Variants in KCNN2 observed in about 807,000 individuals in gnomAD.
The protein encoded by KCNN2 is small conductance calcium-activated potassium channel protein 2.
Under a neutral mutation model 55.5 loss-of-function variants are expected in KCNN2, and 24 were observed. The observed-to-expected ratio is 0.43, with a 90% CI of 0.31 to 0.61. The LOEUF is 0.61. KCNN2 is among the 20% of genes least tolerant of loss of function. KCNN2 has a pLI of 0.08. For missense variants in KCNN2, 754 were observed against 853.6 expected, an observed-to-expected ratio of 0.88 and a Z score of 1.45; for synonymous variants, 431 against 336.1, an observed-to-expected ratio of 1.28 and a Z score of -3.09.
At chr5:114,337,809 C>G (rs1368511945) in intron 2 of KCNN2, among the ~76,000 whole-genome samples, 1 of 152,132 alleles carries the variant, frequency 6.6e-6, no homozygotes, top group African/African-American at 2.4e-5. Context: ...TAACTTCGGT[C>G]CAACTAGTTT....
chr5:114,486,341 T>G (rs1272592881), intron 5 of KCNN2, among the ~76,000 whole-genome samples: 1 of 152,216 alleles, frequency 6.6e-6, no homozygotes, highest in African/African-American at 2.4e-5. Flanking sequence ...CCAGGATTTG[T>G]TGAAGACTTT....
intron 3 of KCNN2, among the ~76,000 whole-genome samples, chr5:114,425,802 G>A (rs1319363820): frequency 6.6e-6 from 1 of 152,132 alleles, no homozygotes; most frequent in Non-Finnish European, 1.5e-5. Flanking sequence ...CATTTCTCCT[G>A]TAATTGCCTT....
chr5:114,440,910 ATTC>A (rs1368793362), intron 3 of KCNN2, among the ~76,000 whole-genome samples: 1 of 94,968 alleles, frequency 1.1e-5, no homozygotes, highest in Non-Finnish European at 2.5e-5. Flanking sequence ...AATAAATGAT[ATTC>A]TTTTTTTTAT....
chr5:114,348,787 C>T (rs1415624292), intron 2 of KCNN2, among the ~76,000 whole-genome samples: 2 of 152,080 alleles, frequency 1.3e-5, no homozygotes, highest in Non-Finnish European at 2.9e-5. Flanking sequence ...CTTGTTCTTC[C>T]TAATCTTATA....
At chr5:114,083,989 T>C (rs1258575794) in intron 1 of KCNN2, among the ~76,000 whole-genome samples, 1 of 152,084 alleles carries the variant, frequency 6.6e-6, no homozygotes, top group Non-Finnish European at 1.5e-5. Context: ...AATTCCTCCA[T>C]GTCTTTTCAT....
chr5:114,201,873 C>G (rs543825347), intron 1 of KCNN2, among the ~76,000 whole-genome samples: 1 of 151,740 alleles, frequency 6.6e-6, no homozygotes, highest in Admixed American at 6.6e-5. Context: ...GCCTTGTCAG[C>G]CCAATCTCAG....
intron 1 of KCNN2, among the ~76,000 whole-genome samples, chr5:114,134,774 C>G (rs1001041361): frequency 6.6e-6 from 1 of 152,098 alleles, no homozygotes; most frequent in African/African-American, 2.4e-5. Flanking sequence ...CGCACCCAGC[C>G]CAGCCGTGAT....
chr5:114,344,030 C>A (rs1757063670), intron 2 of KCNN2, among the ~76,000 whole-genome samples: 1 of 152,174 alleles, frequency 6.6e-6, no homozygotes, highest in Non-Finnish European at 1.5e-5. Flanking sequence ...GGAACTGAAA[C>A]TAACATTGTC....
At chr5:114,334,966 C>T (rs1756895104) in intron 2 of KCNN2, among the ~76,000 whole-genome samples, 1 of 152,074 alleles carries the variant, frequency 6.6e-6, no homozygotes, top group Non-Finnish European at 1.5e-5. Context: ...CTCTGTCGCC[C>T]AGGCTGGAGT....
chr5:114,391,096 T>G (rs972644701), intron 2 of KCNN2, among the ~76,000 whole-genome samples: 3 of 152,170 alleles, frequency 2.0e-5, no homozygotes, highest in African/African-American at 7.2e-5. Context: ...CTCATTATTT[T>G]AGGAAATGAC....
At chr5:114,307,743 C>T (rs1221729815) in intron 2 of KCNN2, among the ~76,000 whole-genome samples, 3 of 152,100 alleles carry the variant, frequency 2.0e-5, no homozygotes, top group Non-Finnish European at 4.4e-5. Flanking sequence ...CCTCCTCAAG[C>T]CATCTACCCT....
intron 1 of KCNN2, among the ~76,000 whole-genome samples, chr5:114,209,792 T>G (rs1000961135): frequency 6.6e-6 from 1 of 152,238 alleles, no homozygotes; most frequent in Non-Finnish European, 1.5e-5. Context: ...AGATGCGTAT[T>G]GCTGAAATAT....
rs540276073 is a variant in KCNN2 at position 114,113,447 on chromosome 5, C to G, written c.-271+56947C>G. ...TTAGGGGAGGAGAAAAACTTTTTTC[C>G]TCTCCCTCTTAGGTTCATTGGCTGG... On this transcript the variant is annotated intron_variant, in intron 1 of 10. Coordinates refer to the KCNN2 transcript ENST00000512097. 1.6e-4 allele frequency among the ~76,000 whole-genome samples: 25 copies of G among 151,982 alleles called. No homozygotes were observed. The South Asian group carries it at 5.0e-3, about 30-fold the overall frequency.
Position 114,077,119 on chromosome 5 carries a change from A to G in KCNN2, c.-271+20619A>G, listed in dbSNP as rs1048984288. ...TTTACATTTGTATCCCTCTATTTCA[A>G]TGGCTGTTTCATTTGAGAAGTGCTG... On this transcript the variant is annotated intron_variant, in intron 1 of 10. Transcript: ENST00000512097. Among the ~76,000 whole-genome samples, 25 of 152,220 alleles carry G rather than the reference A, an allele frequency of 1.6e-4. 1 individual carries two copies. The highest frequency in any genetic ancestry group is 6.0e-4 in the African/African-American group (25 of 41,460).
chr5:114,236,489 C>G (rs1754495077), intron 2 of KCNN2, among the ~76,000 whole-genome samples: 6 of 151,938 alleles, frequency 3.9e-5, no homozygotes, highest in Admixed American at 3.3e-4. Flanking sequence ...ATAATGAGTA[C>G]TCATGAATCC....
In KCNN2 at chr5:114,112,671, T is replaced by C. The variant is rs543692640; in HGVS notation, c.-271+56171T>C. Among the ~76,000 whole-genome samples the C allele has an allele frequency of 4.6e-5, 7 of 151,986 alleles. No individual in the cohort carries two copies. The South Asian group carries it at 1.5e-3, about 32-fold the overall frequency. The stretch of plus-strand genomic sequence containing the variant: ...AAGGTCTGTAAATTTCAAGATTGTA[T>C]TTGTATTACAAACCTCATTAAAAGC... On this transcript the variant is annotated intron_variant, in intron 1 of 10. Coordinates refer to the KCNN2 transcript ENST00000512097.
chr5:114,308,116 A>T (rs755897060), intron 2 of KCNN2, among the ~76,000 whole-genome samples: 10 of 152,154 alleles, frequency 6.6e-5, no homozygotes, highest in Non-Finnish European at 8.8e-5. Context: ...AGTTTCTCCT[A>T]TCTAGCTCAT....
chr5:114,391,113 A>T (rs1174110711), intron 2 of KCNN2, among the ~76,000 whole-genome samples: 1 of 152,164 alleles, frequency 6.6e-6, no homozygotes, highest in Non-Finnish European at 1.5e-5. Flanking sequence ...TGACGAGAAT[A>T]CTTCTTTCAA....
intron 1 of KCNN2, among the ~76,000 whole-genome samples, chr5:114,119,758 T>G (rs190214411): frequency 2.3e-4 from 35 of 152,274 alleles, no homozygotes; most frequent in African/African-American, 8.2e-4. Context: ...CATATGATAT[T>G]CTTGAAAGCT....
Sources: gnomAD v4.1 joint callset for allele counts (sites outside exome capture counted in the v4.1 genomes callset) on GRCh38, gnomAD v4.1.1 for gene constraint, MANE v1.5 for transcripts, NCBI Gene and HGNC (gene_info 2026-07-23, HGNC 2026-07-21) for gene names.